NF1: variants seen among roughly 807,000 people sequenced by gnomAD.
The protein encoded by NF1 is neurofibromin.
Under a neutral mutation model 325.7 loss-of-function variants are expected in NF1, and 122 were observed. That is an observed-to-expected ratio of 0.37 (90% CI 0.32 to 0.44). NF1 has a LOEUF of 0.44. Among genes scored for constraint, NF1 ranks in the 20% least tolerant of loss-of-function variants. The probability of loss-of-function intolerance (pLI) is 1.00; values close to 1 mark genes in which losing one functional copy is unlikely to be tolerated. For synonymous variants in NF1, 1,091 were observed against 1,186.0 expected, an observed-to-expected ratio of 0.92 and a Z score of 1.65; for missense variants, 2,140 against 3,415.4, an observed-to-expected ratio of 0.63 and a Z score of 9.31.
chr17:31,258,299 TATTA>T (rs1173163704), intron 31 of NF1, 41 bp from the exon 32 acceptor site: 2 of 1,609,848 alleles, frequency 1.2e-6, no homozygotes, highest in Non-Finnish European at 1.7e-6. Flanking sequence ...CATGTCTTTA[TATTA>T]ATTCAAACCT....
At chr17:31,147,377 A>G (rs2143570715) in intron 1 of NF1, among the ~76,000 whole-genome samples, 1 of 152,342 alleles carries the variant, frequency 6.6e-6, no homozygotes, top group Non-Finnish European at 1.5e-5. Flanking sequence ...TTAAGCTCAC[A>G]ATTGTAAGTC....
At chr17:31,126,623 G>C (rs1391107727) in intron 1 of NF1, among the ~76,000 whole-genome samples, 1 of 151,796 alleles carries the variant, frequency 6.6e-6, no homozygotes, top group Non-Finnish European at 1.5e-5. Context: ...TGTATTTTTT[G>C]TGGAGATGGG....
rs1197270399 is a variant in NF1 at position 31,336,252 on chromosome 17, G to A, written c.6007-81G>A. On this transcript the variant is annotated intron_variant, in intron 40 of 57. Transcript: ENST00000358273. The surrounding 1 kb of genome is among the most constrained non-coding windows in gnomAD (Gnocchi z 5.5). ...TAAAATAGAATTTTCATATTGATTA[G>A]GCTGTTCCAATGAATATTTTTTAAT... is the stretch of plus-strand genomic sequence containing the variant. 2 of 1,461,826 alleles carry A rather than the reference G, an allele frequency of 1.4e-6. No individual in the cohort carries two copies. Among genetic ancestry groups the A allele is most frequent in the South Asian group, 1.2e-5 (1 of 83,924 alleles). 90.6% of individuals were successfully genotyped at this position (1,461,826 alleles called of 1,614,324 possible).
At chr17:31,188,169 T>C (rs2143815831) in intron 8 of NF1, among the ~76,000 whole-genome samples, 1 of 152,258 alleles carries the variant, frequency 6.6e-6, no homozygotes, top group African/African-American at 2.4e-5. Context: ...CACCACCTGC[T>C]GAGGTGCTTG....
chr17:31,249,000 A>G lies in NF1; in HGVS notation c.3991A>G (p.Ser1331Gly), dbSNP rs1411796317. 1 of 1,614,090 alleles carries G rather than the reference A, an allele frequency of 6.2e-7. No homozygotes were observed. The highest frequency in any genetic ancestry group is 1.7e-5 in the Admixed American group (1 of 60,022). Residue 1331 changes from serine (S) to glycine (G), a missense_variant, in exon 30 of 58, where the codon AGC becomes GGC. Transcript: ENST00000358273. ...VDPTRLEPSE[S>G]LEENQRNLLQ... Reference sequence around the variant, plus strand: ...TTTTTGTAGGTTAGAACCATCAGAGAGCCTTGAGGAAAACCAGCGGAACCT... The same window carrying G: ...TTTTTGTAGGTTAGAACCATCAGAGGGCCTTGAGGAAAACCAGCGGAACCT...
chr17:31,201,009 C>A (rs765158532), intron 9 of NF1, 28 bp from the exon 10 acceptor site: 10 of 1,612,150 alleles, frequency 6.2e-6, no homozygotes, highest in Non-Finnish European at 8.5e-6. Context: ...TATTTAAAGG[C>A]TTTTGTTTTC....
chr17:31,361,081 C>CAAAAAAAAAAAAAAAA (rs60249232), intron 57 of NF1: 15 of 46,550 alleles, frequency 3.2e-4, no homozygotes, highest in East Asian at 8.4e-4. Flanking sequence ...CATACTATAT[C>CAAAAAAAAAAAAAAAA]AAAAAAAAAA....
chr17:31,268,135 C>G (rs1023230917), intron 36 of NF1, among the ~76,000 whole-genome samples: 1 of 152,172 alleles, frequency 6.6e-6, no homozygotes, highest in African/African-American at 2.4e-5. Context: ...CTTTCTGTAT[C>G]CTTTCAGCTT....
intron 36 of NF1, among the ~76,000 whole-genome samples, chr17:31,280,979 C>T (rs934177904): frequency 2.0e-5 from 3 of 151,750 alleles, no homozygotes; most frequent in Non-Finnish European, 4.4e-5. Flanking sequence ...CAAAAGGCAA[C>T]AGTAAAAGGA....
chr17:31,134,701 G>C (rs1915632043), intron 1 of NF1, among the ~76,000 whole-genome samples: 1 of 152,136 alleles, frequency 6.6e-6, no homozygotes, highest in Non-Finnish European at 1.5e-5. Context: ...CATAGCTTTT[G>C]GCAGGAGGCC....
rs747245081 is a variant in NF1 at position 31,349,130 on chromosome 17, T to C, written c.7200T>C (p.His2400=). The part of the protein sequence containing the change: ...LVGHLLKGYR[H]PSPAIVARTV... Reference sequence around the variant, plus strand: ...GTTTGTTTTTTGTAGGGTACAGGCATCCTTCACCTGCTATTGTTGCAAGAA... The same window carrying C: ...GTTTGTTTTTTGTAGGGTACAGGCACCCTTCACCTGCTATTGTTGCAAGAA... Residue 2400 remains histidine, a synonymous_variant, in exon 49 of 58, where the codon CAT becomes CAC. Coordinates refer to ENST00000358273, the MANE Select transcript of NF1 (RefSeq NM_001042492.3). 6.3e-7 allele frequency: 1 copy of C among 1,596,498 alleles called. No homozygotes were observed. The highest frequency in any genetic ancestry group is 8.5e-7 in the Non-Finnish European group (1 of 1,170,428).
intron 39 of NF1, chr17:31,331,886 A>T (rs1176990580): frequency 1.6e-5 from 2 of 122,344 alleles, no homozygotes; most frequent in Non-Finnish European, 3.3e-5. Context: ...TGGATGATAG[A>T]GTGAGACCCT....
At chr17:31,165,413 T>G (rs1173417705) in intron 4 of NF1, among the ~76,000 whole-genome samples, 1 of 152,196 alleles carries the variant, frequency 6.6e-6, no homozygotes, top group Admixed American at 6.5e-5. Flanking sequence ...TACTGAAGGA[T>G]CACTCACCTA....
chr17:31,134,644 A>G (rs183467394), intron 1 of NF1, among the ~76,000 whole-genome samples: 9 of 152,310 alleles, frequency 5.9e-5, no homozygotes, highest in South Asian at 2.1e-4. Context: ...TAGTAATCTG[A>G]AGGCTTGACT....
chr17:31,236,284 A>C (rs936314269), intron 29 of NF1, among the ~76,000 whole-genome samples: 1 of 152,086 alleles, frequency 6.6e-6, no homozygotes, highest in Non-Finnish European at 1.5e-5. Flanking sequence ...TTACTAGTTA[A>C]GTCTGTTCCC....
chr17:31,121,149 A>G (rs1914394185), intron 1 of NF1, among the ~76,000 whole-genome samples: 1 of 152,194 alleles, frequency 6.6e-6, no homozygotes, highest in African/African-American at 2.4e-5. Context: ...CTAATTCACA[A>G]ACATTGAGTT....
In NF1 at chr17:31,312,681, A is replaced by G. The variant is rs570564274; in HGVS notation, c.4836-13139A>G. ...CTAAATATTAGAAGTAGAAAAATATATAGACAAGCCTAATCTGAAAAAGAG... is the reference window on the plus strand; with the variant it reads ...CTAAATATTAGAAGTAGAAAAATATGTAGACAAGCCTAATCTGAAAAAGAG... On this transcript the variant is annotated intron_variant, in intron 36 of 57. Transcript: ENST00000358273. Among the ~76,000 whole-genome samples the G allele has an allele frequency of 1.1e-4, 16 of 152,286 alleles. No individual in the cohort carries two copies. The East Asian group carries it at 2.9e-3, about 27-fold the overall frequency.
chr17:31,278,885 A>C (rs2068065723), intron 36 of NF1, among the ~76,000 whole-genome samples: 1 of 152,028 alleles, frequency 6.6e-6, no homozygotes, highest in Non-Finnish European at 1.5e-5. Context: ...AAAGTGCTGG[A>C]ATTACAGGCG....
At chr17:31,289,427 T>TTCTA (rs1567876336) in intron 36 of NF1, among the ~76,000 whole-genome samples, 2 of 152,354 alleles carry the variant, frequency 1.3e-5, no homozygotes, top group East Asian at 3.9e-4. Flanking sequence ...TCTTACTCAG[T>TTCTA]CTAGATGCCC....
Sources: allele counts gnomAD v4.1 joint callset (sites outside exome capture counted in the v4.1 genomes callset), GRCh38; gene constraint gnomAD v4.1.1; non-coding constraint Gnocchi (gnomAD v3.1); transcripts MANE v1.5; gene names NCBI Gene and HGNC (gene_info 2026-07-23, HGNC 2026-07-21).